Variants in GPR158 observed in about 807,000 individuals in gnomAD.
GPR158 encodes the protein G protein-coupled receptor 158, also known as metabotropic glycine receptor.
GPR158 carries 30 observed loss-of-function variants against 78.2 expected under a neutral mutation model. The observed-to-expected ratio is 0.38, with a 90% CI of 0.29 to 0.52. The LOEUF (loss-of-function observed/expected upper bound fraction) is 0.52, where lower values mean the gene tolerates loss of function less well. GPR158 is among the 20% of genes least tolerant of loss of function. GPR158 has a pLI of 0.83. For missense variants in GPR158, 1,463 were observed against 1,523.5 expected, an observed-to-expected ratio of 0.96 and a Z score of 0.66; for synonymous variants, 581 against 591.1, an observed-to-expected ratio of 0.98 and a Z score of 0.25.
chr10:25,433,769 G>C (rs565304986), intron 4 of GPR158, among the ~76,000 whole-genome samples: 116 of 141,388 alleles, frequency 8.2e-4, no homozygotes, highest in African/African-American at 2.8e-3. Context: ...CTGGCCTCAA[G>C]TGATCCTCTT....
At chr10:25,438,451 AT>A (rs1835026504) in intron 4 of GPR158, among the ~76,000 whole-genome samples, 1 of 152,180 alleles carries the variant, frequency 6.6e-6, no homozygotes, top group Non-Finnish European at 1.5e-5. Flanking sequence ...TTTTATGTCC[AT>A]TTGTTTGTTC....
intron 7 of GPR158, among the ~76,000 whole-genome samples, chr10:25,588,332 G>A (rs1054592613): frequency 9.2e-5 from 14 of 152,148 alleles, no homozygotes; most frequent in African/African-American, 2.4e-4. Flanking sequence ...TATCTAACAC[G>A]GTGCTGAAGT....
chr10:25,175,509 G>A lies in GPR158; in HGVS notation c.89G>A (p.Gly30Glu). ...GAVGASRDPQ[G>E]RPDSPRERTP... is the part of the protein sequence containing the mutation. ...GTTGGCGCCAGCCGCGACCCCCAAGGACGGCCGGATTCCCCTCGAGAGAGG... is the reference window on the plus strand; with the variant it reads ...GTTGGCGCCAGCCGCGACCCCCAAGAACGGCCGGATTCCCCTCGAGAGAGG... Residue 30 changes from glycine (G) to glutamate (E), a missense_variant, in exon 1 of 11, where the codon GGA (glycine) becomes GAA (glutamate). Coordinates refer to ENST00000376351, the MANE Select transcript of GPR158 (RefSeq NM_020752.3). This position sits in a 1 kb window ranked among gnomAD's most constrained non-coding sequence, Gnocchi z 6.4. The A allele has an allele frequency of 6.2e-7, 1 of 1,612,418 alleles. No individual in the cohort carries two copies. The highest frequency in any genetic ancestry group is 1.3e-5 in the African/African-American group (1 of 75,048).
intron 5 of GPR158, among the ~76,000 whole-genome samples, chr10:25,512,310 A>C (rs1836096609): frequency 1.3e-5 from 2 of 151,974 alleles, no homozygotes; most frequent in Non-Finnish European, 2.9e-5. Flanking sequence ...AAGGCAGTCG[A>C]ATTCTTGATT....
chr10:25,291,360 C>T (rs1054624235), intron 2 of GPR158, among the ~76,000 whole-genome samples: 33 of 152,008 alleles, frequency 2.2e-4, no homozygotes, highest in African/African-American at 4.3e-4. Flanking sequence ...TCTGATTTAT[C>T]GTGTCTAGTA....
At chr10:25,351,473 A>C (rs1322388112) in intron 2 of GPR158, among the ~76,000 whole-genome samples, 3 of 151,880 alleles carry the variant, frequency 2.0e-5, no homozygotes. Context: ...ATATGGTAAC[A>C]CATCAAAACC....
chr10:25,569,648 TC>T (rs1284614064), intron 6 of GPR158, among the ~76,000 whole-genome samples: 2 of 152,172 alleles, frequency 1.3e-5, no homozygotes, highest in African/African-American at 2.4e-5. Context: ...ACCTTGCATT[TC>T]CCTGCTTTTG....
In GPR158 at chr10:25,456,952, T is replaced by A. The variant is rs374709204; in HGVS notation, c.1336-9699T>A. On this transcript the variant is annotated intron_variant, in intron 4 of 10. Transcript: ENST00000376351. ...GGTCTTTGTTCCTTTAATAGTCTAA[T>A]TTTTGTTTGAAAAATAATGTTAATA... 9.1e-4 allele frequency among the ~76,000 whole-genome samples: 138 copies of A among 152,066 alleles called. 3 individuals carry two copies. In the South Asian group the frequency reaches 0.024, roughly 27 times the overall value.
chr10:25,453,805 C>T (rs1192829081), intron 4 of GPR158, among the ~76,000 whole-genome samples: 1 of 152,114 alleles, frequency 6.6e-6, no homozygotes, highest in Non-Finnish European at 1.5e-5. Flanking sequence ...GTTTTTATGC[C>T]AGTGCCATGC....
At chr10:25,388,740 G>A (rs573809501) in intron 2 of GPR158, among the ~76,000 whole-genome samples, 22 of 152,362 alleles carry the variant, frequency 1.4e-4, no homozygotes, top group Non-Finnish European at 2.8e-4. Context: ...ATGTGTGGCT[G>A]CAGCTGCCCA....
chr10:25,279,948 A>T (rs944602316), intron 2 of GPR158, among the ~76,000 whole-genome samples: 2 of 150,730 alleles, frequency 1.3e-5, no homozygotes, highest in African/African-American at 4.9e-5. Context: ...GGCAAAGTTT[A>T]AAAGGTAACC....
At position 25,528,116 on chromosome 10, in the gene GPR158, G is replaced by A. The variant is rs1836374452; in HGVS notation, c.1405-22860G>A. ...ATTACACATTTAAGAATGGAATAGT[G>A]TCAATCTTAACTCTTTCAGAAAATA... On this transcript the variant is annotated intron_variant, in intron 5 of 10. Coordinates refer to ENST00000376351, the MANE Select transcript of GPR158 (RefSeq NM_020752.3). Among the ~76,000 whole-genome samples the A allele has an allele frequency of 1.3e-5, 2 of 151,986 alleles. 1 individual carries two copies. The highest frequency in any genetic ancestry group is 4.1e-4 in the South Asian group (2 of 4,834).
At chr10:25,293,912 A>AT (rs1410710408) in intron 2 of GPR158, among the ~76,000 whole-genome samples, 1 of 151,796 alleles carries the variant, frequency 6.6e-6, no homozygotes, top group Non-Finnish European at 1.5e-5. Flanking sequence ...TACCCAGCTA[A>AT]TTTTTTGTAT....
chr10:25,510,592 GTGTT>G (rs796465968), intron 5 of GPR158, among the ~76,000 whole-genome samples: 76 of 152,202 alleles, frequency 5.0e-4, no homozygotes, highest in African/African-American at 1.8e-3. Flanking sequence ...GGAACAGGTG[GTGTT>G]TGTTTACATG....
At chr10:25,542,699 C>T (rs1484991685) in intron 5 of GPR158, among the ~76,000 whole-genome samples, 1 of 151,430 alleles carries the variant, frequency 6.6e-6, no homozygotes, top group Non-Finnish European at 1.5e-5. Context: ...TGGTGGGCAC[C>T]TATAATCCTG....
chr10:25,528,737 C>A (rs1932148), intron 5 of GPR158, among the ~76,000 whole-genome samples: 1 of 151,828 alleles, frequency 6.6e-6, no homozygotes, highest in Non-Finnish European at 1.5e-5. Flanking sequence ...AAAACCCCAG[C>A]GGGCTTTTCT....
chr10:25,314,130 C>A (rs1854810269), intron 2 of GPR158, among the ~76,000 whole-genome samples: 1 of 152,014 alleles, frequency 6.6e-6, no homozygotes, highest in Non-Finnish European at 1.5e-5. Context: ...GAGACGGAGT[C>A]TCACTCTGTC....
intron 2 of GPR158, among the ~76,000 whole-genome samples, chr10:25,242,168 T>G (rs765885256): frequency 1.3e-5 from 2 of 152,238 alleles, no homozygotes; most frequent in African/African-American, 2.4e-5. Flanking sequence ...TAAAATGACC[T>G]AGGCCACGCT....
At chr10:25,330,036 T>C (rs1554794400) in intron 2 of GPR158, among the ~76,000 whole-genome samples, 4 of 152,086 alleles carry the variant, frequency 2.6e-5, no homozygotes, top group Non-Finnish European at 5.9e-5. Context: ...TGTTATACTT[T>C]AAGTTTTAGG....
Sources: allele counts gnomAD v4.1 joint callset (sites outside exome capture counted in the v4.1 genomes callset), GRCh38; gene constraint gnomAD v4.1.1; non-coding constraint Gnocchi (gnomAD v3.1); transcripts MANE v1.5; gene names NCBI Gene and HGNC (gene_info 2026-07-23, HGNC 2026-07-21).